The following PLPPR1 variants were observed in gnomAD, a reference collection of about 807,000 sequenced individuals.
PLPPR1 encodes phospholipid phosphatase related 1.
In PLPPR1, 10 loss-of-function variants were observed where a neutral mutation model predicts 33.1. The observed-to-expected ratio is 0.30, with a 90% CI of 0.19 to 0.51. The LOEUF is 0.51. Ranked by LOEUF, PLPPR1 falls within the 20% of genes least tolerant of loss-of-function variation. The pLI, the probability that PLPPR1 is intolerant of heterozygous loss-of-function variation, is 0.97. For missense variants in PLPPR1, 304 were observed against 408.1 expected, an observed-to-expected ratio of 0.74 and a Z score of 2.20; for synonymous variants, 151 against 151.0, an observed-to-expected ratio of 1.00 and a Z score of 0.00.
chr9:101,299,123 A>G (rs1254329065), intron 4 of PLPPR1, among the ~76,000 whole-genome samples: 10 of 152,240 alleles, frequency 6.6e-5, no homozygotes, highest in Admixed American at 6.5e-4. Flanking sequence ...AGAGCAAGGC[A>G]GGACATGGGC....
intron 1 of PLPPR1, among the ~76,000 whole-genome samples, chr9:101,063,354 T>G (rs1382157998): frequency 1.3e-5 from 2 of 152,044 alleles, no homozygotes; most frequent in African/African-American, 2.4e-5. Context: ...ATCCTTTATG[T>G]GTCAATCAGT....
At chr9:101,054,464 G>A (rs1830259796) in intron 1 of PLPPR1, among the ~76,000 whole-genome samples, 2 of 152,134 alleles carry the variant, frequency 1.3e-5, no homozygotes, top group Non-Finnish European at 1.5e-5. Flanking sequence ...GCATATTGAT[G>A]ACAGACTCAA....
At chr9:101,251,028 A>G (rs1264970341) in intron 2 of PLPPR1, among the ~76,000 whole-genome samples, 8 of 152,010 alleles carry the variant, frequency 5.3e-5, no homozygotes, top group Non-Finnish European at 8.8e-5. Flanking sequence ...TGACCCCCCA[A>G]ATTGTGTCTC....
chr9:101,088,995 A>C (rs1286393655), intron 1 of PLPPR1, among the ~76,000 whole-genome samples: 1 of 152,218 alleles, frequency 6.6e-6, no homozygotes, highest in Non-Finnish European at 1.5e-5. Context: ...TACAACAATT[A>C]TAAATCATGA....
intron 3 of PLPPR1, among the ~76,000 whole-genome samples, chr9:101,271,437 A>G (rs1828099077): frequency 6.6e-6 from 1 of 152,242 alleles, no homozygotes; most frequent in Non-Finnish European, 1.5e-5. Flanking sequence ...TACTTCTGAA[A>G]GGAATGAAAT....
chr9:101,062,209 T>C (rs1279305430), intron 1 of PLPPR1, among the ~76,000 whole-genome samples: 1 of 151,134 alleles, frequency 6.6e-6, no homozygotes, highest in Non-Finnish European at 1.5e-5. Context: ...TTCACAAACC[T>C]GAGCATTTCA....
At chr9:101,117,404 C>T (rs903244139) in intron 1 of PLPPR1, among the ~76,000 whole-genome samples, 6 of 152,100 alleles carry the variant, frequency 3.9e-5, no homozygotes, top group African/African-American at 7.2e-5. Flanking sequence ...GACATTCCCA[C>T]CAGCACTATG....
chr9:101,296,930 A>T (rs1159642617), intron 4 of PLPPR1, among the ~76,000 whole-genome samples: 2 of 152,164 alleles, frequency 1.3e-5, no homozygotes, highest in African/African-American at 4.8e-5. Context: ...CATGTACCCT[A>T]AAACTTAAAG....
At chr9:101,187,337 G>C (rs982792150) in intron 2 of PLPPR1, 13 of 151,790 alleles carry the variant, frequency 8.6e-5, no homozygotes, top group African/African-American at 3.1e-4. Flanking sequence ...AAGATTTTCA[G>C]CTCTCTAATG....
chr9:101,223,153 A>G (rs1826985129), intron 2 of PLPPR1, among the ~76,000 whole-genome samples: 1 of 109,042 alleles, frequency 9.2e-6, no homozygotes, highest in Admixed American at 9.5e-5. Flanking sequence ...CTCTACAAAA[A>G]AAAAAAAAAA....
chr9:101,298,915 T>C (rs1424709695), intron 4 of PLPPR1, among the ~76,000 whole-genome samples: 2 of 152,002 alleles, frequency 1.3e-5, no homozygotes, highest in Non-Finnish European at 2.9e-5. Context: ...AATTGTTGAG[T>C]TGGCAGTGAA....
intron 1 of PLPPR1, among the ~76,000 whole-genome samples, chr9:101,121,292 C>T (rs1831176051): frequency 6.6e-6 from 1 of 152,130 alleles, no homozygotes; most frequent in South Asian, 2.1e-4. Context: ...CACTTTACAT[C>T]CTTTAATGCT....
chr9:101,035,157 C>G (rs886968111), intron 1 of PLPPR1, among the ~76,000 whole-genome samples: 1 of 152,166 alleles, frequency 6.6e-6, no homozygotes, highest in Non-Finnish European at 1.5e-5. Flanking sequence ...GGGACATAAA[C>G]TGTAAATATC....
At chr9:101,232,132 C>A (rs1174075386) in intron 2 of PLPPR1, among the ~76,000 whole-genome samples, 1 of 151,964 alleles carries the variant, frequency 6.6e-6, no homozygotes, top group African/African-American at 2.4e-5. Context: ...CAGTTAGTGA[C>A]AGGAAGTTGA....
intron 1 of PLPPR1, among the ~76,000 whole-genome samples, chr9:101,157,936 G>A (rs982159199): frequency 2.0e-5 from 3 of 152,194 alleles, no homozygotes; most frequent in East Asian, 3.9e-4. Context: ...CCTGGGAGGT[G>A]GAGGTTGCAG....
chr9:101,126,057 G>T (rs190310350), intron 1 of PLPPR1: 60 of 194,816 alleles, frequency 3.1e-4, no homozygotes, highest in African/African-American at 1.3e-3. Context: ...AACCAGGCCT[G>T]TGTGTCAATC....
chr9:101,309,616 CA>C (rs1828921391), intron 5 of PLPPR1, among the ~76,000 whole-genome samples, 155 bp downstream of exon 5: 1 of 151,998 alleles, frequency 6.6e-6, no homozygotes, highest in African/African-American at 2.4e-5. Flanking sequence ...CTAGCCCCCC[CA>C]CACACACACT....
intron 1 of PLPPR1, among the ~76,000 whole-genome samples, chr9:101,085,778 C>T (rs989241123): frequency 6.6e-6 from 1 of 151,996 alleles, no homozygotes; most frequent in Non-Finnish European, 1.5e-5. Flanking sequence ...TGGGGTAATC[C>T]GTAAAGTGGA....
intron 2 of PLPPR1, among the ~76,000 whole-genome samples, chr9:101,258,561 T>TGA (rs957772012): frequency 6.6e-6 from 1 of 152,186 alleles, no homozygotes; most frequent in African/African-American, 2.4e-5. Context: ...TAGAGATCCT[T>TGA]GATGGATTGC....
Sources: gnomAD v4.1 joint callset for allele counts (sites outside exome capture counted in the v4.1 genomes callset) on GRCh38, gnomAD v4.1.1 for gene constraint, MANE v1.5 for transcripts, NCBI Gene and HGNC (gene_info 2026-07-23, HGNC 2026-07-21) for gene names.